Variants in CTNNA2 observed in about 807,000 individuals in gnomAD.
CTNNA2 encodes catenin alpha 2.
Under a neutral mutation model 101.0 loss-of-function variants are expected in CTNNA2, and 42 were observed. The ratio of observed to expected loss-of-function variants is 0.42; its 90% CI spans 0.32 to 0.54. The LOEUF (loss-of-function observed/expected upper bound fraction) is 0.54. Ranked by LOEUF, CTNNA2 falls within the 20% of genes least tolerant of loss-of-function variation. The probability of loss-of-function intolerance (pLI) is 0.14; values close to 1 mark genes in which losing one functional copy is unlikely to be tolerated. For synonymous variants in CTNNA2, 450 were observed against 456.4 expected, an observed-to-expected ratio of 0.99 and a Z score of 0.18; for missense variants, 871 against 1,223.1, an observed-to-expected ratio of 0.71 and a Z score of 4.29.
chr2:80,578,522 A>G (rs1272242452), intron 13 of CTNNA2, among the ~76,000 whole-genome samples: 1 of 152,132 alleles, frequency 6.6e-6, no homozygotes, highest in Non-Finnish European at 1.5e-5. Flanking sequence ...GTGTAATTCA[A>G]AAAAGAATGC....
At chr2:80,014,036 G>A (rs1177216688) in intron 7 of CTNNA2, among the ~76,000 whole-genome samples, 1 of 152,082 alleles carries the variant, frequency 6.6e-6, no homozygotes, top group South Asian at 2.1e-4. Flanking sequence ...GTAGGACTAG[G>A]ACCCAAGTCT....
At chr2:79,733,195 T>C (rs1363739739) in intron 2 of CTNNA2, among the ~76,000 whole-genome samples, 1 of 152,112 alleles carries the variant, frequency 6.6e-6, no homozygotes, top group Non-Finnish European at 1.5e-5. Flanking sequence ...TGTTTTTTCT[T>C]TTTAAAGATT....
chr2:79,741,899 A>G (rs1322143055), intron 2 of CTNNA2, among the ~76,000 whole-genome samples: 1 of 152,160 alleles, frequency 6.6e-6, no homozygotes, highest in African/African-American at 2.4e-5. Context: ...AAGCATTGAC[A>G]ATTGTTTATT....
At chr2:79,344,851 TATATATA>T (rs960597828) in intron 3 of CTNNA2, among the ~76,000 whole-genome samples, 31 of 145,000 alleles carry the variant, frequency 2.1e-4, no homozygotes, top group African/African-American at 7.3e-4. Context: ...ACAAATATTA[TATATATA>T]ATATATTATA....
intron 2 of CTNNA2, among the ~76,000 whole-genome samples, chr2:79,715,862 G>C (rs1471303605): frequency 1.3e-5 from 2 of 151,848 alleles, no homozygotes; most frequent in African/African-American, 2.4e-5. Context: ...AGCATAAGTA[G>C]AAGATCCTGA....
At chr2:79,837,601 T>C (rs927440923) in intron 3 of CTNNA2, among the ~76,000 whole-genome samples, 3 of 152,146 alleles carry the variant, frequency 2.0e-5, no homozygotes, top group African/African-American at 7.2e-5. Flanking sequence ...GATGCAATCG[T>C]TGATTTTTTT....
intron 2 of CTNNA2, among the ~76,000 whole-genome samples, chr2:79,302,729 A>C (rs955411525): frequency 6.6e-6 from 1 of 152,166 alleles, no homozygotes; most frequent in African/African-American, 2.4e-5. Context: ...TTGAGTGTCT[A>C]TTCGGCACCA....
chr2:80,443,436 G>T (rs984734234), intron 9 of CTNNA2, among the ~76,000 whole-genome samples: 1 of 152,212 alleles, frequency 6.6e-6, no homozygotes, highest in Non-Finnish European at 1.5e-5. Flanking sequence ...AGGGGAAACA[G>T]AATAAGCACA....
intron 1 of CTNNA2, among the ~76,000 whole-genome samples, chr2:79,542,004 G>T (rs1673453494): frequency 6.6e-6 from 1 of 152,036 alleles, no homozygotes; most frequent in Admixed American, 6.5e-5. Flanking sequence ...AACTAATAAT[G>T]CTTTCAACTG....
intron 7 of CTNNA2, among the ~76,000 whole-genome samples, chr2:79,959,936 T>G (rs1304801584): frequency 6.6e-6 from 1 of 152,222 alleles, no homozygotes; most frequent in Non-Finnish European, 1.5e-5. Context: ...TCATTTAATT[T>G]AATTTAATGG....
intron 12 of CTNNA2, among the ~76,000 whole-genome samples, chr2:80,566,118 A>T (rs991917360): frequency 1.3e-5 from 2 of 152,248 alleles, no homozygotes; most frequent in Admixed American, 6.5e-5. Context: ...ATGGCATAGC[A>T]TACTACATTA....
At chr2:80,403,019 C>T (rs1678707149) in intron 8 of CTNNA2, among the ~76,000 whole-genome samples, 1 of 151,806 alleles carries the variant, frequency 6.6e-6, no homozygotes, top group African/African-American at 2.4e-5. Flanking sequence ...GCTCAGTAAT[C>T]ACAATAAATA....
At chr2:80,004,950 C>T (rs1215067799) in intron 7 of CTNNA2, among the ~76,000 whole-genome samples, 1 of 152,148 alleles carries the variant, frequency 6.6e-6, no homozygotes, top group Admixed American at 6.6e-5. Flanking sequence ...CTGGCCCCGG[C>T]CTCCCAAAGT....
rs146467348 is a variant in CTNNA2 at position 79,799,225 on chromosome 2, T to C, written c.298+54643T>C. ...CTGCCAGCCTCATTCCCCCTCTTCTTAAATATGTTCATGTATATATAAACA... is the reference window on the plus strand; with the variant it reads ...CTGCCAGCCTCATTCCCCCTCTTCTCAAATATGTTCATGTATATATAAACA... On this transcript the variant is annotated intron_variant, in intron 3 of 18. Transcript: ENST00000402739. Among the ~76,000 whole-genome samples the C allele has an allele frequency of 8.1e-4, 123 of 152,110 alleles. 1 individual carries two copies. In the East Asian group the frequency reaches 0.022, roughly 28 times the overall value.
intron 6 of CTNNA2, among the ~76,000 whole-genome samples, chr2:79,897,334 G>GA (rs5832417): frequency 0.89 from 130,118 of 146,108 alleles, 58,112 homozygotes; most frequent in African/African-American, 0.96. Context: ...GCTTTACCGA[G>GA]AAAAAAAAAA....
chr2:79,630,680 G>A (rs1243429798), intron 1 of CTNNA2, among the ~76,000 whole-genome samples: 3 of 152,158 alleles, frequency 2.0e-5, no homozygotes, highest in African/African-American at 7.2e-5. Flanking sequence ...ATTATTTTGT[G>A]TAATTCCAAG....
intron 7 of CTNNA2, among the ~76,000 whole-genome samples, chr2:80,375,330 G>A (rs1476115599): frequency 6.6e-6 from 1 of 152,028 alleles, no homozygotes; most frequent in Non-Finnish European, 1.5e-5. Flanking sequence ...GAAGAGAGGG[G>A]GAAGGGAGGT....
intron 15 of CTNNA2, among the ~76,000 whole-genome samples, chr2:80,596,177 T>C (rs960879399): frequency 6.6e-6 from 1 of 151,782 alleles, no homozygotes; most frequent in Non-Finnish European, 1.5e-5. Context: ...CTATTGTTGA[T>C]GTGTAGGAAT....
chr2:79,849,038 G>C (rs1274590855), intron 3 of CTNNA2, among the ~76,000 whole-genome samples: 1 of 152,068 alleles, frequency 6.6e-6, no homozygotes, highest in African/African-American at 2.4e-5. Flanking sequence ...ATGAGAAAGG[G>C]GTGCTGAATG....
Sources: allele counts gnomAD v4.1 joint callset (sites outside exome capture counted in the v4.1 genomes callset), GRCh38; gene constraint gnomAD v4.1.1; transcripts MANE v1.5; gene names NCBI Gene and HGNC (gene_info 2026-07-23, HGNC 2026-07-21).